UBE2J2: variants seen among roughly 807,000 people sequenced by gnomAD.
UBE2J2 encodes ubiquitin-conjugating enzyme E2 J2.
UBE2J2 carries 5 observed loss-of-function variants against 28.6 expected under a neutral mutation model. That is an observed-to-expected ratio of 0.17 (90% confidence interval 0.09 to 0.37). The LOEUF is 0.37. UBE2J2 is among the 10% of genes least tolerant of loss of function. The pLI is 1.00. For missense variants in UBE2J2, 226 were observed against 338.9 expected (o/e 0.67, Z 2.62); for synonymous variants, 138 against 139.7 (o/e 0.99, Z 0.09).
chr1:1,271,972 C>A (rs144619589), intron 1 of UBE2J2, among the ~76,000 whole-genome samples: 1 of 66,158 alleles, frequency 1.5e-5, no homozygotes, highest in Non-Finnish European at 2.2e-5. Context: ...GAAACTCCGT[C>A]TCAAAAAAAA....
At chr1:1,265,508 G>A (rs1639796981) in intron 2 of UBE2J2, among the ~76,000 whole-genome samples, 1 of 151,984 alleles carries the variant, frequency 6.6e-6, no homozygotes, top group Admixed American at 6.6e-5. Flanking sequence ...GCTGGGAATG[G>A]AGCACAGAGA....
At chr1:1,258,472 T>C (rs78035253) in intron 3 of UBE2J2, among the ~76,000 whole-genome samples, 2,619 of 148,972 alleles carry the variant, frequency 0.018, 50 homozygotes, top group African/African-American at 0.039. Context: ...CCAGCCCCTC[T>C]TCGCCCACCC....
At chr1:1,264,404 A>G (rs1192392923) in intron 2 of UBE2J2, among the ~76,000 whole-genome samples, 1 of 152,268 alleles carries the variant, frequency 6.6e-6, no homozygotes, top group East Asian at 1.9e-4. Context: ...ACATGGCTTC[A>G]ACTGCCAACA....
In UBE2J2 at chr1:1,263,329, A is replaced by G. The variant is rs759699157; in HGVS notation, c.172+17T>C. On this transcript the variant is annotated intron_variant, in intron 3 of 6. Transcript: ENST00000349431. ...AAAAACCGCCTGGTGTTCTTCTCCT[A>G]AGCACAGAATCCTTACCTTCATAAG... The G allele has an allele frequency of 2.2e-5, 36 of 1,611,252 alleles. No individual in the cohort carries two copies. In the South Asian group the frequency reaches 3.0e-4, roughly 13 times the overall value.
intron 3 of UBE2J2, among the ~76,000 whole-genome samples, chr1:1,258,175 G>A (rs1639320852): frequency 6.6e-6 from 1 of 151,470 alleles, no homozygotes; most frequent in Non-Finnish European, 1.5e-5. Flanking sequence ...GAGTAGTTGG[G>A]ACTATAGGCG....
rs1440856454 is a variant in UBE2J2 at position 1,273,837 on chromosome 1, C to G, written c.-172G>C. ...CCGCCGCCTCAGCCTCCAAGATGGCCGCTCGCGGGGCGGAACCAGCCTAGC... is the reference window on the plus strand; with the variant it reads ...CCGCCGCCTCAGCCTCCAAGATGGCGGCTCGCGGGGCGGAACCAGCCTAGC... On this transcript the variant is annotated 5_prime_UTR_variant, in exon 1 of 7. Transcript: ENST00000349431. 1 of 153,480 alleles carries G rather than the reference C, an allele frequency of 6.5e-6. No individual in the cohort carries two copies. Among genetic ancestry groups the G allele is most frequent in the Non-Finnish European group, 1.5e-5 (1 of 68,460 alleles). The allele number at this position is 153,480 out of a possible 1,614,324, so 9.5% of individuals were successfully genotyped here.
chr1:1,263,394 A>C lies in UBE2J2; in HGVS notation c.132-8T>G. On this transcript the variant is annotated splice_region_variant and splice_polypyrimidine_tract_variant and intron_variant, in intron 2 of 6. Coordinates refer to ENST00000349431, the MANE Select transcript of UBE2J2 (RefSeq NM_058167.3). ...CCTCGGACGACATAGTGCCTAAGGGAGAGAAGAAAATTACTTGGGATTTGA... is the reference window on the plus strand; with the variant it reads ...CCTCGGACGACATAGTGCCTAAGGGCGAGAAGAAAATTACTTGGGATTTGA... 6 of 1,612,134 alleles carry C rather than the reference A, an allele frequency of 3.7e-6. No individual in the cohort carries two copies. The South Asian group carries it at 6.6e-5, about 18-fold the overall frequency.
At chr1:1,264,680 G>A (rs1016739793) in intron 2 of UBE2J2, 1 of 152,280 alleles carries the variant, frequency 6.6e-6, no homozygotes, top group African/African-American at 2.4e-5. Flanking sequence ...GGCTGAGGCA[G>A]GTGGATTGCC....
rs60924258 is a variant in UBE2J2 at position 1,271,974 on chromosome 1, C to CAAAAAAAA, written c.-1+1684_-1+1691dup. Among the ~76,000 whole-genome samples, 143 of 27,606 alleles carry CAAAAAAAA rather than the reference C, an allele frequency of 5.2e-3. 5 individuals are homozygous for CAAAAAAAA. Among genetic ancestry groups the CAAAAAAAA allele is most frequent in the African/African-American group, 8.4e-3 (112 of 13,290 alleles). 18.1% of individuals were successfully genotyped at this position (27,606 alleles called of 152,430 possible). On this transcript the variant is annotated intron_variant, in intron 1 of 6. Transcript: ENST00000349431. ...GGGCAACAAGAGCGAAACTCCGTCT[C>CAAAAAAAA]AAAAAAAAAAAAAAAAAAAAAAAAA...
intron 5 of UBE2J2, 184 bp from the exon 6 acceptor site, chr1:1,256,309 T>C (rs1461371005): frequency 1.8e-6 from 1 of 543,792 alleles, no homozygotes; most frequent in Non-Finnish European, 3.3e-6. Context: ...CCCCCATCAA[T>C]TCATGATATC....
At position 1,263,391 on chromosome 1, in the gene UBE2J2, G is replaced by C; in HGVS notation, c.132-5C>G. Reference sequence around the variant, plus strand: ...GGGCCTCGGACGACATAGTGCCTAAGGGAGAGAAGAAAATTACTTGGGATT... The same window carrying C: ...GGGCCTCGGACGACATAGTGCCTAACGGAGAGAAGAAAATTACTTGGGATT... On this transcript the variant is annotated splice_region_variant and splice_polypyrimidine_tract_variant and intron_variant, in intron 2 of 6. Transcript: ENST00000349431. 3 of 1,612,406 alleles carry C rather than the reference G, an allele frequency of 1.9e-6. No homozygotes were observed. The highest frequency in any genetic ancestry group is 2.5e-6 in the Non-Finnish European group (3 of 1,178,696).
chr1:1,266,091 C>T, intron 2 of UBE2J2: 1 of 1,304,152 alleles, frequency 7.7e-7, no homozygotes. Flanking sequence ...GAACTTGTCC[C>T]TCTCACCTGC....
chr1:1,257,411 A>G (rs1206117846), intron 3 of UBE2J2, 101 bp from the exon 4 acceptor site: 2 of 487,686 alleles, frequency 4.1e-6, no homozygotes. Context: ...CCCCCCCCTC[A>G]GCTCGGCTCC....
intron 3 of UBE2J2, among the ~76,000 whole-genome samples, chr1:1,261,546 GAATT>G (rs1342562431): frequency 6.6e-6 from 1 of 151,818 alleles, no homozygotes; most frequent in East Asian, 1.9e-4. Context: ...TGTGGATACA[GAATT>G]AATATTCACT....
At chr1:1,265,778 G>C (rs1186009407) in intron 2 of UBE2J2, among the ~76,000 whole-genome samples, 1 of 151,950 alleles carries the variant, frequency 6.6e-6, no homozygotes, top group East Asian at 1.9e-4. Flanking sequence ...GAGATTACAG[G>C]CGTGCGCCAC....
At chr1:1,256,911 A>AT in intron 5 of UBE2J2, 81 bp downstream of exon 5, 14 of 1,066,566 alleles carry the variant, frequency 1.3e-5, no homozygotes, top group South Asian at 5.7e-5. Context: ...AAAAAAAAAA[A>AT]GGCAGCTGCA....
At chr1:1,258,114 A>G (rs967856828) in intron 3 of UBE2J2, among the ~76,000 whole-genome samples, 8 of 151,472 alleles carry the variant, frequency 5.3e-5, no homozygotes, top group Non-Finnish European at 1.2e-4. Flanking sequence ...ATCCTGGCTC[A>G]CTGCAACCTC....
At chr1:1,258,657 G>A (rs369759323) in intron 3 of UBE2J2, among the ~76,000 whole-genome samples, 1 of 152,148 alleles carries the variant, frequency 6.6e-6, no homozygotes, top group East Asian at 1.9e-4. Flanking sequence ...GCGCCCAGAC[G>A]CCCCCATCCA....
chr1:1,259,853 T>G (rs1317850925), intron 3 of UBE2J2, among the ~76,000 whole-genome samples: 1 of 152,204 alleles, frequency 6.6e-6, no homozygotes, highest in South Asian at 2.1e-4. Context: ...GGGAAACCTG[T>G]GTGCAGAACG....
Sources: allele counts gnomAD v4.1 joint callset (sites outside exome capture counted in the v4.1 genomes callset), GRCh38; gene constraint gnomAD v4.1.1; transcripts MANE v1.5; gene names NCBI Gene and HGNC (gene_info 2026-07-23, HGNC 2026-07-21).